Variants in CDHR2 observed in about 807,000 individuals in gnomAD.
The protein encoded by CDHR2 is cadherin related family member 2, also known as cadherin-related family member 2.
In CDHR2, 104 loss-of-function variants were observed where a neutral mutation model predicts 138.6. The ratio of observed to expected loss-of-function variants is 0.75; its 90% CI spans 0.64 to 0.88. The LOEUF is 0.88. Among genes scored for constraint, CDHR2 ranks in the 40% least tolerant of loss-of-function variants. The pLI, the probability that CDHR2 is intolerant of heterozygous loss-of-function variation, is 0.00. For synonymous variants in CDHR2, 755 were observed against 742.8 expected (o/e 1.02, Z -0.27); for missense variants, 1,624 against 1,727.6 (o/e 0.94, Z 1.06).
Position 176,578,404 on chromosome 5 carries a change from G to T in CDHR2, c.1614G>T (p.Val538=). The part of the protein sequence containing the change: ...LFQVDPVSGT[V]TVRNGELLDR... ...AAGTGGATCCCGTCTCAGGGACGGT[G>T]ACGGTGAGGAACGGTGAGCTGCTGG... The change falls in exon 16 of 32, where the codon GTG becomes GTT. Residue 538 remains valine, a synonymous_variant. Transcript: ENST00000261944. 1 of 1,614,068 alleles carries T rather than the reference G, an allele frequency of 6.2e-7. No homozygotes were observed. The highest frequency in any genetic ancestry group is 8.5e-7 in the Non-Finnish European group (1 of 1,179,992).
chr5:176,584,736 G>T lies in CDHR2; in HGVS notation c.2455G>T (p.Ala819Ser). Residue 819 changes from alanine (A) to serine (S), a missense_variant, in exon 19 of 32, where the codon GCT (alanine) becomes TCT (serine). Ala to Ser is a moderately conservative substitution (Grantham distance 99). Around this residue, in one of 3 missense-constraint regions of CDHR2, gnomAD observed 1,061 missense variants for 1,136.6 expected, o/e 0.93. Transcript: ENST00000261944. ...AGCCTCACTCCGGGGCATCCGTGTG[G>T]CTGAGAATGGCTCACAGCACGGCCA... ...DVASLRGIRV[A>S]ENGSQHGQVA... The T allele has an allele frequency of 6.2e-7, 1 of 1,614,206 alleles. No individual in the cohort carries two copies. The highest frequency in any genetic ancestry group is 1.1e-5 in the South Asian group (1 of 91,090).
At chr5:176,569,035 A>G in intron 5 of CDHR2, 25 bp downstream of exon 5, 1 of 1,613,218 alleles carries the variant, frequency 6.2e-7, no homozygotes, top group South Asian at 1.1e-5. Context: ...GCAGGGGGGT[A>G]GACAGGGATT....
intron 16 of CDHR2, 42 bp downstream of exon 16, chr5:176,578,650 G>T (rs1758462337): frequency 2.5e-6 from 4 of 1,600,362 alleles, no homozygotes; most frequent in East Asian, 4.5e-5. Flanking sequence ...CTGGGGGAGG[G>T]GACCAAGCCT....
rs1759019117 is a variant in CDHR2, at chr5:176,595,808, A to G, written c.*136A>G. ...CAATCACGGCAGACAGGGGTTGGGG[A>G]AATATTTTATTACCAATGTATACTG... On this transcript the variant is annotated 3_prime_UTR_variant, in exon 32 of 32. Transcript: ENST00000261944. The G allele has an allele frequency of 3.4e-6, 3 of 887,498 alleles. No homozygotes were observed. The South Asian group carries it at 6.8e-5, about 20-fold the overall frequency. 55.0% of individuals were successfully genotyped at this position (887,498 alleles called of 1,614,324 possible). A position where few individuals can be genotyped will look rare whatever the true frequency, so the allele number is the denominator to read the frequency against.
intron 1 of CDHR2, among the ~76,000 whole-genome samples, chr5:176,563,230 C>T (rs1758005207): frequency 6.6e-6 from 1 of 152,122 alleles, no homozygotes; most frequent in East Asian, 1.9e-4. Context: ...TGCCTGTAAT[C>T]CCAGCTACTC....
chr5:176,559,337 C>T lies in CDHR2; in HGVS notation c.-15-6001C>T, dbSNP rs9313739. On this transcript the variant is annotated intron_variant, in intron 1 of 31. Transcript: ENST00000261944. ...GCTCCATTAACTCCAGGATTGTTAC[C>T]GAAAAGCCCCATAACCTTCTGATTC... 1.2e-3 allele frequency among the ~76,000 whole-genome samples: 184 copies of T among 152,294 alleles called. 1 individual carries two copies. Among genetic ancestry groups the T allele is most frequent in the African/African-American group, 4.2e-3 (175 of 41,552 alleles).
rs151194732 is a variant in CDHR2, at chr5:176,562,813, C to T, written c.-15-2525C>T. Among the ~76,000 whole-genome samples, 9 of 152,262 alleles carry T rather than the reference C, an allele frequency of 5.9e-5. No individual in the cohort carries two copies. The East Asian group carries it at 1.5e-3, about 26-fold the overall frequency. On this transcript the variant is annotated intron_variant, in intron 1 of 31. Coordinates refer to ENST00000261944, the MANE Select transcript of CDHR2 (RefSeq NM_017675.6). ...GGTTACAGGAGGAGCTATGCATATT[C>T]ATAAAGGAGCTCCTGACACATGCAT...
intron 21 of CDHR2, among the ~76,000 whole-genome samples, chr5:176,588,424 TGTGTGTC>T (rs1758729460): frequency 3.3e-5 from 5 of 149,286 alleles, no homozygotes; most frequent in African/African-American, 4.9e-5. Flanking sequence ...GGTGTGAGTG[TGTGTGTC>T]AGGATAAGTG....
Position 176,575,358 on chromosome 5 carries a change from C to A in CDHR2, c.700C>A (p.Gln234Lys), listed in dbSNP as rs2113297533. ...CTTCCTGTCCATCTCCGTGGTGGACCAGCCTGACCTTGACCCCCAGTTTGT... is the reference window on the plus strand; with the variant it reads ...CTTCCTGTCCATCTCCGTGGTGGACAAGCCTGACCTTGACCCCCAGTTTGT... ...PVFLSISVVD[Q>K]PDLDPQFVRE... Residue 234 changes from glutamine (Q) to lysine (K), a missense_variant, in exon 9 of 32, where the codon CAG (glutamine) becomes AAG (lysine). Coordinates refer to ENST00000261944, the MANE Select transcript of CDHR2 (RefSeq NM_017675.6). 2 of 1,614,240 alleles carry A rather than the reference C, an allele frequency of 1.2e-6. No individual in the cohort carries two copies. The highest frequency in any genetic ancestry group is 8.5e-7 in the Non-Finnish European group (1 of 1,180,040).
chr5:176,577,919 G>T, intron 14 of CDHR2, 115 bp from the exon 15 acceptor site: 1 of 1,480,236 alleles, frequency 6.8e-7, no homozygotes, highest in Non-Finnish European at 9.2e-7. Context: ...ATCTGAGTGT[G>T]CTGGGGATTC....
At position 176,543,458 on chromosome 5, in the gene CDHR2, C is replaced by T. The variant is rs1247888422; in HGVS notation, c.-16+689C>T. The T allele has an allele frequency of 6.6e-6, 1 of 151,910 alleles. No homozygotes were observed. The highest frequency in any genetic ancestry group is 2.1e-4 in the South Asian group (1 of 4,838). The allele number at this position is 151,910 out of a possible 1,614,324, so 9.4% of individuals were successfully genotyped here. A position where few individuals can be genotyped will look rare whatever the true frequency, so the allele number is the denominator to read the frequency against. On this transcript the variant is annotated intron_variant, in intron 1 of 31. Coordinates refer to the CDHR2 transcript ENST00000510636. The surrounding 1 kb of genome is among the most constrained non-coding windows in gnomAD (Gnocchi z 4.0). ...GGCTGCGCAGCTTCCAGGACCCCCG[C>T]CCCGGCCCCGCGCGAATGGAGCTGC... is the stretch of plus-strand genomic sequence containing the variant.
upstream of CDHR2, among the ~76,000 whole-genome samples, chr5:176,544,443 C>CTTTCTTTCTT (rs771404606): frequency 7.8e-4 from 10 of 12,786 alleles, no homozygotes; most frequent in Non-Finnish European, 8.4e-3. Flanking sequence ...TTCTTTCTTT[C>CTTTCTTTCTT]TCTCTTTCCT....
chr5:176,592,568 GTGA>G (rs1471915899), intron 30 of CDHR2, among the ~76,000 whole-genome samples, 152 bp from the exon 31 acceptor site: 1 of 151,454 alleles, frequency 6.6e-6, no homozygotes, highest in African/African-American at 2.4e-5. Context: ...GCTGATGGTA[GTGA>G]TGATGGTAGT....
chr5:176,573,350 T>G (rs2113293477), intron 6 of CDHR2, among the ~76,000 whole-genome samples: 1 of 152,054 alleles, frequency 6.6e-6, no homozygotes, highest in East Asian at 1.9e-4. Flanking sequence ...TTAGGAAGTA[T>G]AGGTCGTGGC....
chr5:176,586,127 A>AGG lies in CDHR2; in HGVS notation c.2806+107_2806+108dup, dbSNP rs367710766. On this transcript the variant is annotated intron_variant, in intron 20 of 31. Coordinates refer to ENST00000261944, the MANE Select transcript of CDHR2 (RefSeq NM_017675.6). Reference sequence around the variant, plus strand: ...TGGACCCCAGGGGGAGCCTTTAGAAAGGGGGGAAGGCCTCTAATCCTGCAT... The same window carrying AGG: ...TGGACCCCAGGGGGAGCCTTTAGAAAGGGGGGGGAAGGCCTCTAATCCTGCAT... 9 of 841,944 alleles carry AGG rather than the reference A, an allele frequency of 1.1e-5. No homozygotes were observed. In the South Asian group the frequency reaches 1.3e-4, roughly 12 times the overall value. 52.2% of individuals were successfully genotyped at this position (841,944 alleles called of 1,614,324 possible).
At chr5:176,574,233 C>A in intron 7 of CDHR2, 61 bp downstream of exon 7, 2 of 1,256,582 alleles carry the variant, frequency 1.6e-6, no homozygotes, top group East Asian at 2.3e-5. Flanking sequence ...TCTCCACAGA[C>A]AACCCACAGG....
At chr5:176,568,873 C>G in intron 4 of CDHR2, 56 bp downstream of exon 4, 2 of 1,611,436 alleles carry the variant, frequency 1.2e-6, no homozygotes, top group Non-Finnish European at 1.7e-6. Context: ...TGGGAGGGCC[C>G]TGGGAGCCCG....
intron 1 of CDHR2, among the ~76,000 whole-genome samples, chr5:176,560,929 A>C (rs1561867906): frequency 6.6e-6 from 1 of 152,086 alleles, no homozygotes; most frequent in Non-Finnish European, 1.5e-5. Context: ...CGGGGTGCTG[A>C]CCATGCCCGG....
At chr5:176,593,030 A>G (rs1001482367) in intron 31 of CDHR2, among the ~76,000 whole-genome samples, 4 of 152,206 alleles carry the variant, frequency 2.6e-5, no homozygotes, top group Non-Finnish European at 5.9e-5. Context: ...GGGAACATCA[A>G]CCATGCAGGG....
Sources: allele counts gnomAD v4.1 joint callset (sites outside exome capture counted in the v4.1 genomes callset), GRCh38; gene constraint gnomAD v4.1.1; regional missense constraint gnomAD v4.1.1; non-coding constraint Gnocchi (gnomAD v3.1); transcripts MANE v1.5; gene names NCBI Gene and HGNC (gene_info 2026-07-23, HGNC 2026-07-21).